The following GPC6 variants were observed in gnomAD, a reference collection of about 807,000 sequenced individuals.
GPC6 encodes glypican 6.
In GPC6, 14 loss-of-function variants were observed where a neutral mutation model predicts 55.2. The observed-to-expected ratio is 0.25, with a 90% CI of 0.17 to 0.40. The LOEUF (loss-of-function observed/expected upper bound fraction) is 0.40. Among genes scored for constraint, GPC6 ranks in the 10% least tolerant of loss-of-function variants. GPC6 has a pLI of 1.00. For missense variants in GPC6, 641 were observed against 708.5 expected, an observed-to-expected ratio of 0.90 and a Z score of 1.08; for synonymous variants, 278 against 259.6, an observed-to-expected ratio of 1.07 and a Z score of -0.68.
chr13:93,801,896 A>G (rs1013901225), intron 2 of GPC6, among the ~76,000 whole-genome samples: 85 of 152,286 alleles, frequency 5.6e-4, no homozygotes, highest in Non-Finnish European at 7.8e-4. Flanking sequence ...GAAATTCCAT[A>G]CATTGCTACC....
intron 1 of GPC6, among the ~76,000 whole-genome samples, chr13:93,260,364 G>A (rs1877101405): frequency 6.6e-6 from 1 of 151,908 alleles, no homozygotes; most frequent in African/African-American, 2.4e-5. Flanking sequence ...TCACTCAGTT[G>A]GCCTTTCAAC....
rs968221822 is a variant in GPC6 at position 93,561,404 on chromosome 13, G to GAGATATATATATATATAT, written c.319+15984_319+15985insGATATATATATATATATA. ...AATAATTGCATACTATATCCCTATC[G>GAGATATATATATATATAT]ATATATATATATATATATATATTTG... On this transcript the variant is annotated intron_variant, in intron 2 of 8. Coordinates refer to ENST00000377047, the MANE Select transcript of GPC6 (RefSeq NM_005708.5). Among the ~76,000 whole-genome samples, 61 of 104,692 alleles carry GAGATATATATATATATAT rather than the reference G, an allele frequency of 5.8e-4. 1 individual carries two copies. Among genetic ancestry groups the GAGATATATATATATATAT allele is most frequent in the African/African-American group, 2.3e-3 (56 of 24,120 alleles). 68.7% of individuals were successfully genotyped at this position (104,692 alleles called of 152,430 possible). A position where few individuals can be genotyped will look rare whatever the true frequency, so the allele number is the denominator to read the frequency against.
Position 93,465,196 on chromosome 13 carries a change from G to A in GPC6, c.161-80067G>A, listed in dbSNP as rs993158761. On this transcript the variant is annotated intron_variant, in intron 1 of 8. Coordinates refer to ENST00000377047, the MANE Select transcript of GPC6 (RefSeq NM_005708.5). ...AGGTACCTATGATTTTTGAAATGGC[G>A]AATGAGCATTGGCTTCAACTTGAAG... Among the ~76,000 whole-genome samples, 11 of 152,274 alleles carry A rather than the reference G, an allele frequency of 7.2e-5. No individual in the cohort carries two copies. In the South Asian group the frequency reaches 2.3e-3, roughly 32 times the overall value.
At chr13:93,562,385 C>A (rs1875859313) in intron 2 of GPC6, among the ~76,000 whole-genome samples, 1 of 151,984 alleles carries the variant, frequency 6.6e-6, no homozygotes, top group South Asian at 2.1e-4. Flanking sequence ...ACACATTTGC[C>A]TTTGAAATTG....
rs562539834 is a variant in GPC6 at position 93,316,733 on chromosome 13, G to T, written c.160+89117G>T. Among the ~76,000 whole-genome samples the T allele has an allele frequency of 6.8e-4, 103 of 152,108 alleles. 2 individuals are homozygous for T. The Middle Eastern group carries it at 0.014, about 20-fold the overall frequency. Reference sequence around the variant, plus strand: ...TCTTTAAAATTAGCCTTATACCAAAGTATTTTACTTTGATAAATCAGAGCT... The same window carrying T: ...TCTTTAAAATTAGCCTTATACCAAATTATTTTACTTTGATAAATCAGAGCT... On this transcript the variant is annotated intron_variant, in intron 1 of 8. Coordinates refer to ENST00000377047, the MANE Select transcript of GPC6 (RefSeq NM_005708.5).
intron 4 of GPC6, among the ~76,000 whole-genome samples, chr13:94,196,565 A>G (rs547975042): frequency 2.0e-5 from 3 of 152,188 alleles, no homozygotes; most frequent in Non-Finnish European, 4.4e-5. Flanking sequence ...CTTGCATTAC[A>G]TCCACTTCTC....
chr13:93,830,200 T>C lies in GPC6; in HGVS notation c.366T>C (p.Asp122=). 1.2e-6 allele frequency: 2 copies of C among 1,606,988 alleles called. No homozygotes were observed. Among genetic ancestry groups the C allele is most frequent in the East Asian group, 4.5e-5 (2 of 44,774 alleles). The change falls in exon 3 of 9, where the codon GAT becomes GAC. Residue 122 remains aspartate, a synonymous_variant. Transcript: ENST00000377047. ...LLENAEKSLN[D]MFVRTYGMLY... ...AGAATGCAGAAAAGTCACTAAATGA[T>C]ATGTTTGTACGGACCTATGGCATGC... is the stretch of plus-strand genomic sequence containing the variant.
chr13:93,241,829 G>GT (rs36078461), intron 1 of GPC6, among the ~76,000 whole-genome samples: 38,537 of 148,758 alleles, frequency 0.26, 5,006 homozygotes, highest in African/African-American at 0.32. Flanking sequence ...ACTGAACTGG[G>GT]TTTTTTTTTT....
At chr13:93,631,766 C>T (rs1345764309) in intron 2 of GPC6, among the ~76,000 whole-genome samples, 3 of 152,218 alleles carry the variant, frequency 2.0e-5, no homozygotes, top group Admixed American at 1.3e-4. Context: ...ATCTAGCATA[C>T]TTCCTCAAAC....
chr13:93,619,424 G>A (rs1878860457), intron 2 of GPC6, among the ~76,000 whole-genome samples: 2 of 152,116 alleles, frequency 1.3e-5, no homozygotes, highest in Admixed American at 1.3e-4. Context: ...AACTAAGGAA[G>A]TGTCTATGTT....
chr13:93,757,588 CTG>C (rs978888355), intron 2 of GPC6, among the ~76,000 whole-genome samples: 1 of 152,184 alleles, frequency 6.6e-6, no homozygotes, highest in African/African-American at 2.4e-5. Flanking sequence ...TTATTCCTAT[CTG>C]TGAGTCCTTT....
intron 1 of GPC6, among the ~76,000 whole-genome samples, chr13:93,500,476 T>C (rs1285668312): frequency 6.6e-6 from 1 of 151,688 alleles, no homozygotes; most frequent in East Asian, 2.0e-4. Context: ...TGTGCTTCTA[T>C]GAAGCAGTGA....
intron 4 of GPC6, among the ~76,000 whole-genome samples, chr13:94,178,634 G>A (rs1169344501): frequency 6.6e-6 from 1 of 152,134 alleles, no homozygotes; most frequent in Non-Finnish European, 1.5e-5. Context: ...GAATGAAAAT[G>A]CAAATCATTA....
chr13:93,666,918 C>A (rs1226083116), intron 2 of GPC6, among the ~76,000 whole-genome samples: 3 of 152,116 alleles, frequency 2.0e-5, no homozygotes, highest in East Asian at 1.9e-4. Context: ...ATACTTATTT[C>A]TTTTAATAAT....
At chr13:93,849,097 C>G (rs1303249072) in intron 3 of GPC6, among the ~76,000 whole-genome samples, 1 of 152,132 alleles carries the variant, frequency 6.6e-6, no homozygotes, top group Non-Finnish European at 1.5e-5. Context: ...AGGGAAGGAA[C>G]ATGCCTTCCA....
At chr13:94,357,199 A>C (rs1020873903) in intron 6 of GPC6, among the ~76,000 whole-genome samples, 3 of 152,032 alleles carry the variant, frequency 2.0e-5, no homozygotes, top group Non-Finnish European at 2.9e-5. Context: ...TCTGGCCCCA[A>C]CTCCTGCCTC....
At chr13:94,246,768 A>G (rs982251952) in intron 4 of GPC6, among the ~76,000 whole-genome samples, 2 of 152,022 alleles carry the variant, frequency 1.3e-5, no homozygotes, top group African/African-American at 4.8e-5. Context: ...ATAGCTTTGT[A>G]ATATAATTTA....
In GPC6 at chr13:93,459,809, A is replaced by G. The variant is rs76473492; in HGVS notation, c.161-85454A>G. On this transcript the variant is annotated intron_variant, in intron 1 of 8. Transcript: ENST00000377047. ...GCTTTAGCTTTATAATTTTAGAATT[A>G]GTGCTACTGGATTTTAATAAGATAT... Among the ~76,000 whole-genome samples the G allele has an allele frequency of 4.6e-3, 698 of 152,336 alleles. 1 individual carries two copies. The highest frequency in any genetic ancestry group is 7.6e-3 in the Non-Finnish European group (519 of 68,026).
intron 1 of GPC6, among the ~76,000 whole-genome samples, chr13:93,256,034 G>A (rs1284201003): frequency 6.6e-6 from 1 of 151,874 alleles, no homozygotes; most frequent in African/African-American, 2.4e-5. Flanking sequence ...CAATTGCTAG[G>A]GAGGCTGAGG....
Sources: allele counts gnomAD v4.1 joint callset (sites outside exome capture counted in the v4.1 genomes callset), GRCh38; gene constraint gnomAD v4.1.1; transcripts MANE v1.5; gene names NCBI Gene and HGNC (gene_info 2026-07-23, HGNC 2026-07-21).